Variants in DTNBP1 observed in about 807,000 individuals in gnomAD.
DTNBP1 encodes dystrobrevin binding protein 1, also known as dysbindin.
In DTNBP1, 35 loss-of-function variants were observed where a neutral mutation model predicts 42.8. The ratio of observed to expected loss-of-function variants is 0.82; its 90% CI spans 0.63 to 1.09. The LOEUF is 1.09. Ranked by LOEUF, DTNBP1 falls within the 50% of genes least tolerant of loss-of-function variation. The pLI, the probability that DTNBP1 is intolerant of heterozygous loss-of-function variation, is 0.00. For synonymous variants in DTNBP1, 171 were observed against 162.2 expected (o/e 1.05, Z -0.41); for missense variants, 457 against 424.2 (o/e 1.08, Z -0.68).
chr6:15,524,741 AT>A, intron 8 of DTNBP1, 72 bp from the exon 9 acceptor site: 2 of 1,581,472 alleles, frequency 1.3e-6, no homozygotes. Flanking sequence ...TTCCATTGGC[AT>A]TAGGCTAACT....
At chr6:15,549,726 T>C (rs1774105156) in intron 7 of DTNBP1, among the ~76,000 whole-genome samples, 1 of 152,196 alleles carries the variant, frequency 6.6e-6, no homozygotes, top group African/African-American at 2.4e-5. Flanking sequence ...CTAAGCTAGC[T>C]GTCGACCAAA....
At chr6:15,585,703 A>T (rs1776051313) in intron 7 of DTNBP1, 3 of 1,534,802 alleles carry the variant, frequency 2.0e-6, no homozygotes, top group Non-Finnish European at 1.7e-6. Context: ...AAAACAGAAA[A>T]TAAAGTTCCA....
At position 15,615,374 on chromosome 6, in the gene DTNBP1, C is replaced by G. The variant is rs756462031; in HGVS notation, c.381G>C (p.Glu127Asp). The part of the protein sequence containing the change: ...NLTHLEASFE[E>D]VENNLLHLED... ...CCAGATGCAGCAGGTTGTTCTCTACCTCCTCAAAACTCGCCTCTAAATGAG... is the reference window on the plus strand; with the variant it reads ...CCAGATGCAGCAGGTTGTTCTCTACGTCCTCAAAACTCGCCTCTAAATGAG... Residue 127 changes from glutamate to aspartate, a missense_variant, in exon 6 of 10, where the codon GAG (glutamate) becomes GAC (aspartate). By Grantham distance (45) the Glu-to-Asp change is conservative. Coordinates refer to ENST00000344537, the MANE Select transcript of DTNBP1 (RefSeq NM_032122.5). The G allele has an allele frequency of 6.8e-6, 11 of 1,613,922 alleles. No individual in the cohort carries two copies. Among genetic ancestry groups the G allele is most frequent in the Admixed American group, 1.7e-5 (1 of 59,996 alleles).
chr6:15,535,276 C>A (rs1773156759), intron 7 of DTNBP1, among the ~76,000 whole-genome samples: 1 of 152,122 alleles, frequency 6.6e-6, no homozygotes, highest in South Asian at 2.1e-4. Context: ...CCCAGCCATG[C>A]AGAGCTGTGA....
intron 5 of DTNBP1, among the ~76,000 whole-genome samples, chr6:15,616,609 A>C (rs1287976685): frequency 6.6e-6 from 1 of 152,262 alleles, no homozygotes; most frequent in African/African-American, 2.4e-5. Flanking sequence ...GGGTTCACTT[A>C]AACGGCTACA....
chr6:15,579,592 G>T (rs756404271), intron 7 of DTNBP1, among the ~76,000 whole-genome samples: 1 of 152,208 alleles, frequency 6.6e-6, no homozygotes, highest in Admixed American at 6.5e-5. Context: ...ATCATCTGAG[G>T]TTAGGAGTTT....
intron 7 of DTNBP1, among the ~76,000 whole-genome samples, chr6:15,549,302 T>C (rs1232405935): frequency 1.3e-5 from 2 of 151,576 alleles, no homozygotes; most frequent in African/African-American, 4.8e-5. Context: ...CTGGCCAACA[T>C]GGTGAAACCC....
chr6:15,570,481 G>A (rs1425982710), intron 7 of DTNBP1, among the ~76,000 whole-genome samples: 1 of 152,146 alleles, frequency 6.6e-6, no homozygotes, highest in Non-Finnish European at 1.5e-5. Context: ...GAACCCATCA[G>A]AACTCAGCTA....
intron 5 of DTNBP1, among the ~76,000 whole-genome samples, chr6:15,626,036 G>A (rs775099509): frequency 3.9e-5 from 6 of 152,148 alleles, no homozygotes; most frequent in Non-Finnish European, 8.8e-5. Flanking sequence ...CAACAGCCAG[G>A]GGACTTGAAG....
At chr6:15,547,754 T>TAATG (rs1773966843) in intron 7 of DTNBP1, among the ~76,000 whole-genome samples, 1 of 152,188 alleles carries the variant, frequency 6.6e-6, no homozygotes, top group Non-Finnish European at 1.5e-5. Context: ...CTTGGTGGCT[T>TAATG]CCACACAGAA....
intron 8 of DTNBP1, among the ~76,000 whole-genome samples, chr6:15,532,328 A>C (rs1772901585): frequency 1.3e-5 from 2 of 152,228 alleles, no homozygotes; most frequent in South Asian, 4.1e-4. Context: ...TGGACTTCTA[A>C]TCAGCTTGTT....
chr6:15,612,784 T>C (rs1385324860), intron 6 of DTNBP1, among the ~76,000 whole-genome samples: 1 of 152,212 alleles, frequency 6.6e-6, no homozygotes, highest in African/African-American at 2.4e-5. Context: ...CCTCTCAAAA[T>C]TCTAGGCCTT....
chr6:15,525,707 G>A (rs1772336151), intron 8 of DTNBP1, among the ~76,000 whole-genome samples: 1 of 152,186 alleles, frequency 6.6e-6, no homozygotes, highest in South Asian at 2.1e-4. Flanking sequence ...TAGAAGGCAG[G>A]ATGAGTAAAT....
chr6:15,547,223 A>G (rs909469430), intron 7 of DTNBP1, among the ~76,000 whole-genome samples: 5 of 152,192 alleles, frequency 3.3e-5, no homozygotes, highest in African/African-American at 1.2e-4. Flanking sequence ...ATTATTTATT[A>G]AAGAGTCCAT....
intron 6 of DTNBP1, among the ~76,000 whole-genome samples, chr6:15,605,530 T>C (rs543847282): frequency 6.6e-6 from 1 of 152,296 alleles, no homozygotes; most frequent in East Asian, 1.9e-4. Context: ...TTTATTTCCT[T>C]TGAGGTTTAT....
chr6:15,579,786 C>T (rs111919151), intron 7 of DTNBP1: 9,011 of 445,782 alleles, frequency 0.02, 176 homozygotes, highest in African/African-American at 0.059. Context: ...CCAGCCTGGC[C>T]GACAGAGTGA....
intron 7 of DTNBP1, chr6:15,546,020 G>A (rs764854043): frequency 2.0e-5 from 9 of 451,118 alleles, no homozygotes; most frequent in South Asian, 1.4e-4. Context: ...ATCGCCAGGA[G>A]GGTGGAGCTG....
At chr6:15,554,322 A>G (rs1211308131) in intron 7 of DTNBP1, among the ~76,000 whole-genome samples, 1 of 151,986 alleles carries the variant, frequency 6.6e-6, no homozygotes. Flanking sequence ...GGCTCAAGTG[A>G]TCCTCCAGCC....
chr6:15,573,763 A>G (rs1273286361), intron 7 of DTNBP1, among the ~76,000 whole-genome samples: 2 of 152,190 alleles, frequency 1.3e-5, no homozygotes, highest in Non-Finnish European at 2.9e-5. Context: ...ACTGGAGAGC[A>G]GTGGTGCGAT....
Sources: allele counts gnomAD v4.1 joint callset (sites outside exome capture counted in the v4.1 genomes callset), GRCh38; gene constraint gnomAD v4.1.1; transcripts MANE v1.5; gene names NCBI Gene and HGNC (gene_info 2026-07-23, HGNC 2026-07-21).